The following GPC5 variants were observed in gnomAD, a reference collection of about 807,000 sequenced individuals.
GPC5 encodes glypican-5.
Under a neutral mutation model 53.9 loss-of-function variants are expected in GPC5, and 47 were observed. That is an observed-to-expected ratio of 0.87 (90% CI 0.69 to 1.11). The LOEUF is 1.11. GPC5 is among the 50% of genes most tolerant of loss of function. The pLI, the probability that GPC5 is intolerant of heterozygous loss-of-function variation, is 0.00. For missense variants in GPC5, 748 were observed against 713.1 expected (o/e 1.05, Z -0.56); for synonymous variants, 286 against 263.3 (o/e 1.09, Z -0.84).
chr13:92,406,496 C>T (rs1001098540), intron 7 of GPC5, among the ~76,000 whole-genome samples: 6 of 152,034 alleles, frequency 3.9e-5, no homozygotes, highest in African/African-American at 9.7e-5. Flanking sequence ...AAAAAGACAC[C>T]GAGTCTCAGT....
intron 5 of GPC5, among the ~76,000 whole-genome samples, chr13:91,900,556 G>T (rs1489698324): frequency 6.6e-6 from 1 of 151,990 alleles, no homozygotes; most frequent in Non-Finnish European, 1.5e-5. Flanking sequence ...CAGTCACTTT[G>T]AATCAAATTA....
intron 1 of GPC5, among the ~76,000 whole-genome samples, chr13:91,432,893 A>G (rs1879606425): frequency 6.6e-6 from 1 of 152,168 alleles, no homozygotes; most frequent in South Asian, 2.1e-4. Context: ...AAATGATCTC[A>G]TTCATTTTGA....
At chr13:92,316,473 C>T (rs144477230) in intron 7 of GPC5, among the ~76,000 whole-genome samples, 2 of 151,858 alleles carry the variant, frequency 1.3e-5, no homozygotes, top group African/African-American at 4.8e-5. Context: ...TACTTTTTTG[C>T]CATGAAATGA....
chr13:92,193,160 G>A (rs1433128965), intron 7 of GPC5, among the ~76,000 whole-genome samples: 1 of 136,658 alleles, frequency 7.3e-6, no homozygotes, highest in South Asian at 2.5e-4. Context: ...GGGCGACAGA[G>A]CGAGACTCTG....
intron 2 of GPC5, among the ~76,000 whole-genome samples, chr13:91,673,231 AAAC>A (rs201449183): frequency 0.035 from 5,266 of 152,202 alleles, 149 homozygotes; most frequent in Middle Eastern, 0.054. Context: ...GGAAAAAAAG[AAAC>A]AACAACAACA....
At position 92,358,882 on chromosome 13, in the gene GPC5, G is replaced by C. The variant is rs978311538; in HGVS notation, c.1561+213893G>C. On this transcript the variant is annotated intron_variant, in intron 7 of 7. Coordinates refer to ENST00000377067, the MANE Select transcript of GPC5 (RefSeq NM_004466.6). ...CTGTGATGGGAGTAGCTACTGAGAA[G>C]GTCTTTGAAATGATTTCAAGGCATT... is the stretch of plus-strand genomic sequence containing the variant. Among the ~76,000 whole-genome samples, 37 of 151,828 alleles carry C rather than the reference G, an allele frequency of 2.4e-4. 1 individual carries two copies. Among genetic ancestry groups the C allele is most frequent in the African/African-American group, 7.0e-4 (29 of 41,150 alleles).
chr13:92,169,180 G>A (rs2042052192), intron 7 of GPC5, among the ~76,000 whole-genome samples: 1 of 152,142 alleles, frequency 6.6e-6, no homozygotes, highest in Non-Finnish European at 1.5e-5. Context: ...AGCCTGTCAG[G>A]GGTGGGGTGG....
At chr13:92,511,690 A>G (rs914768329) in intron 7 of GPC5, among the ~76,000 whole-genome samples, 4 of 152,162 alleles carry the variant, frequency 2.6e-5, no homozygotes, top group Non-Finnish European at 5.9e-5. Context: ...TAAGAGATGC[A>G]TATTCTCTTA....
chr13:92,754,191 A>C (rs1874735122), intron 7 of GPC5, among the ~76,000 whole-genome samples: 1 of 152,194 alleles, frequency 6.6e-6, no homozygotes, highest in African/African-American at 2.4e-5. Context: ...TCTTAAAGAC[A>C]AGAATTTTCA....
intron 2 of GPC5, among the ~76,000 whole-genome samples, chr13:91,520,743 T>C (rs1237290234): frequency 6.6e-6 from 1 of 151,904 alleles, no homozygotes; most frequent in Non-Finnish European, 1.5e-5. Flanking sequence ...TGTATATATA[T>C]ATATATATGT....
intron 5 of GPC5, among the ~76,000 whole-genome samples, chr13:91,863,153 G>T (rs559901085): frequency 6.0e-5 from 9 of 150,994 alleles, no homozygotes; most frequent in Non-Finnish European, 1.2e-4. Context: ...TGTGACTATA[G>T]TCAGGGAATG....
At chr13:91,978,033 G>C (rs1297312246) in intron 6 of GPC5, among the ~76,000 whole-genome samples, 2 of 152,008 alleles carry the variant, frequency 1.3e-5, no homozygotes, top group Admixed American at 6.6e-5. Flanking sequence ...TACACTTGTA[G>C]TCCCAGCTAC....
At chr13:92,225,698 G>A (rs1276966486) in intron 7 of GPC5, among the ~76,000 whole-genome samples, 1 of 151,956 alleles carries the variant, frequency 6.6e-6, no homozygotes, top group Admixed American at 6.6e-5. Context: ...ATTTGTACAT[G>A]CATCATAATA....
At chr13:92,620,503 C>T (rs1269775148) in intron 7 of GPC5, among the ~76,000 whole-genome samples, 1 of 152,042 alleles carries the variant, frequency 6.6e-6, no homozygotes, top group East Asian at 1.9e-4. Flanking sequence ...TGATGATGCT[C>T]ATATAGAAGT....
intron 7 of GPC5, among the ~76,000 whole-genome samples, chr13:92,170,853 TC>T (rs1243743663): frequency 7.2e-5 from 11 of 152,180 alleles, no homozygotes; most frequent in Non-Finnish European, 1.5e-4. Context: ...GAATTGTTTT[TC>T]TCCATTTTCC....
intron 7 of GPC5, among the ~76,000 whole-genome samples, chr13:92,647,105 T>A (rs1196409120): frequency 2.0e-5 from 3 of 152,098 alleles, no homozygotes; most frequent in Non-Finnish European, 2.9e-5. Context: ...TGCATGCATC[T>A]ATCTTTTCTT....
At chr13:92,504,603 T>C (rs1244071904) in intron 7 of GPC5, among the ~76,000 whole-genome samples, 1 of 151,986 alleles carries the variant, frequency 6.6e-6, no homozygotes, top group Non-Finnish European at 1.5e-5. Context: ...AATTGTTTAG[T>C]AATCAAAAGA....
intron 2 of GPC5, among the ~76,000 whole-genome samples, chr13:91,576,321 G>GTATATA (rs59110803): frequency 0.017 from 1,969 of 115,776 alleles, 26 homozygotes; most frequent in Admixed American, 0.025. Flanking sequence ...TACACAATGT[G>GTATATA]TATATATATA....
At chr13:91,900,303 GT>G (rs1203679721) in intron 5 of GPC5, among the ~76,000 whole-genome samples, 2 of 152,022 alleles carry the variant, frequency 1.3e-5, no homozygotes. Flanking sequence ...TCAGATAACA[GT>G]TTTCCCCTAA....
Sources: allele counts gnomAD v4.1 joint callset (sites outside exome capture counted in the v4.1 genomes callset), GRCh38; gene constraint gnomAD v4.1.1; transcripts MANE v1.5; gene names NCBI Gene and HGNC (gene_info 2026-07-23, HGNC 2026-07-21).